Variants in STAG1 observed in about 807,000 individuals in gnomAD.
The protein encoded by STAG1 is cohesin subunit SA-1.
STAG1 carries 26 observed loss-of-function variants against 170.9 expected under a neutral mutation model. That is an observed-to-expected ratio of 0.15 (90% CI 0.11 to 0.21). The LOEUF (loss-of-function observed/expected upper bound fraction) is 0.21, where lower values mean the gene tolerates loss of function less well. Among genes scored for constraint, STAG1 ranks in the 10% least tolerant of loss-of-function variants. The probability of loss-of-function intolerance (pLI) is 1.00; values close to 1 mark genes in which losing one functional copy is unlikely to be tolerated. For synonymous variants in STAG1, 514 were observed against 497.7 expected, an observed-to-expected ratio of 1.03 and a Z score of -0.44; for missense variants, 964 against 1,509.5, an observed-to-expected ratio of 0.64 and a Z score of 5.99.
Position 136,369,127 on chromosome 3 carries a change from G to T in STAG1, c.2526C>A (p.Asp842Glu). 6.4e-7 allele frequency: 1 copy of T among 1,563,606 alleles called. No homozygotes were observed. Among genetic ancestry groups the T allele is most frequent in the Non-Finnish European group, 8.6e-7 (1 of 1,160,396 alleles). Residue 842 changes from aspartate (D) to glutamate (E), a missense_variant, in exon 24 of 34, where the codon GAC becomes GAA. Asp to Glu is a conservative substitution (Grantham distance 45). This residue lies in a region of STAG1 where 149 missense variants were observed against 301.3 expected (regional missense o/e 0.49). Transcript: ENST00000383202. ...FVMDHVFIDQ[D>E]EENQSMEGDE... ...AAGTACCCATGCTCTGGTTCTCCTC[G>T]TCTTGGTCAATAAAAACGTGATCCA...
intron 6 of STAG1, among the ~76,000 whole-genome samples, chr3:136,521,900 A>G (rs1934697291): frequency 6.6e-6 from 1 of 152,224 alleles, no homozygotes; most frequent in African/African-American, 2.4e-5. Context: ...ATAATCTTAC[A>G]CATCCTAAAT....
intron 1 of STAG1, among the ~76,000 whole-genome samples, chr3:136,689,021 T>G (rs1444343592): frequency 1.3e-5 from 2 of 152,234 alleles, no homozygotes; most frequent in Non-Finnish European, 2.9e-5. Context: ...CCAAATTAAA[T>G]GTACCTGTTT....
intron 10 of STAG1, among the ~76,000 whole-genome samples, chr3:136,474,360 A>C (rs1186703941): frequency 6.6e-6 from 1 of 152,208 alleles, no homozygotes; most frequent in East Asian, 1.9e-4. Context: ...TTTTAGTTCC[A>C]ATTCTATATA....
chr3:136,456,550 C>T (rs2089117516), intron 13 of STAG1, among the ~76,000 whole-genome samples: 1 of 152,068 alleles, frequency 6.6e-6, no homozygotes, highest in African/African-American at 2.4e-5. Context: ...AATTAGCATT[C>T]CCAAAGGAGA....
intron 13 of STAG1, among the ~76,000 whole-genome samples, chr3:136,462,236 T>G (rs1042099448): frequency 1.2e-4 from 19 of 152,180 alleles, no homozygotes; most frequent in African/African-American, 3.4e-4. Context: ...AAGAGATATC[T>G]GCACTGCCAT....
chr3:136,691,745 A>G (rs1389603419), intron 1 of STAG1, among the ~76,000 whole-genome samples: 3 of 152,186 alleles, frequency 2.0e-5, no homozygotes, highest in African/African-American at 7.2e-5. Flanking sequence ...AAATCTTATG[A>G]CATTTCGCAG....
chr3:136,682,279 G>A (rs1210246033), intron 1 of STAG1, among the ~76,000 whole-genome samples: 2 of 151,642 alleles, frequency 1.3e-5, no homozygotes, highest in African/African-American at 4.8e-5. Context: ...ACAAAAATTA[G>A]CCAGGCGTGG....
At position 136,580,929 on chromosome 3, in the gene STAG1, T is replaced by C. The variant is rs142858822; in HGVS notation, c.298-12068A>G. On this transcript the variant is annotated intron_variant, in intron 4 of 33. Transcript: ENST00000383202. ...TACATCTAGACTCTACTTTGGTATATGGTATGAGGTAAAAATCTTGTGCTT... is the reference window on the plus strand; with the variant it reads ...TACATCTAGACTCTACTTTGGTATACGGTATGAGGTAAAAATCTTGTGCTT... 4.2e-3 allele frequency among the ~76,000 whole-genome samples: 636 copies of C among 152,336 alleles called. 5 individuals are homozygous for C. Among genetic ancestry groups the C allele is most frequent in the African/African-American group, 0.015 (607 of 41,576 alleles).
At chr3:136,603,182 T>C (rs1423388177) in intron 4 of STAG1, among the ~76,000 whole-genome samples, 3 of 152,090 alleles carry the variant, frequency 2.0e-5, no homozygotes, top group Non-Finnish European at 2.9e-5. Context: ...GTAATTCCGT[T>C]TCACAATTAC....
intron 29 of STAG1, among the ~76,000 whole-genome samples, chr3:136,344,407 G>C (rs531274788): frequency 6.6e-6 from 1 of 152,036 alleles, no homozygotes; most frequent in Non-Finnish European, 1.5e-5. Flanking sequence ...CCTGGGCCTC[G>C]TAGGGGTCCC....
In STAG1 at chr3:136,521,286, G is replaced by A. The variant is rs566591168; in HGVS notation, c.603C>T (p.Asp201=). 2.8e-5 allele frequency: 45 copies of A among 1,613,754 alleles called. No individual in the cohort carries two copies. Among genetic ancestry groups the A allele is most frequent in the Non-Finnish European group, 3.6e-5 (42 of 1,179,788 alleles). Residue 201 remains aspartate (D), a synonymous_variant, in exon 7 of 34, where the codon GAC becomes GAT. Transcript: ENST00000383202. ...YSIIYDEYMM[D]TVISLLTGLS... Reference sequence around the variant, plus strand: ...AACCCGTCAAAAGGGAGATTACTGTGTCCATCATATACTCATCATAAATTA... The same window carrying A: ...AACCCGTCAAAAGGGAGATTACTGTATCCATCATATACTCATCATAAATTA...
chr3:136,392,869 G>T (rs1296197442), intron 22 of STAG1, among the ~76,000 whole-genome samples: 1 of 150,310 alleles, frequency 6.7e-6, no homozygotes, highest in Non-Finnish European at 1.5e-5. Flanking sequence ...TACTATTTTT[G>T]TATTTCTTCT....
intron 1 of STAG1, among the ~76,000 whole-genome samples, chr3:136,635,006 C>G (rs150480048): frequency 6.6e-6 from 1 of 152,212 alleles, no homozygotes; most frequent in East Asian, 1.9e-4. Flanking sequence ...AAAATCTCCC[C>G]AGGAAGAAAA....
intron 26 of STAG1, 67 bp from the exon 27 acceptor site, chr3:136,359,363 G>A: frequency 8.4e-7 from 1 of 1,194,938 alleles, no homozygotes; most frequent in Non-Finnish European, 1.1e-6. Flanking sequence ...TTTCAGAATA[G>A]GTAATTAAAA....
intron 22 of STAG1, among the ~76,000 whole-genome samples, chr3:136,378,863 T>C (rs1937764833): frequency 6.6e-6 from 1 of 152,090 alleles, no homozygotes; most frequent in Non-Finnish European, 1.5e-5. Flanking sequence ...ATACCAACAT[T>C]TAAAACAGTA....
At position 136,417,937 on chromosome 3, in the gene STAG1, T is replaced by A; in HGVS notation, c.2144A>T (p.Asn715Ile). 1 of 1,614,020 alleles carries A rather than the reference T, an allele frequency of 6.2e-7. No homozygotes were observed. Residue 715 changes from asparagine (N) to isoleucine (I), a missense_variant, in exon 21 of 34, where the codon AAT becomes ATT. Physicochemically the swap from Asn to Ile is moderately radical, Grantham distance 149. Transcript: ENST00000383202. ...HDLTKWDLFG[N>I]CYRLLKTGIE... is the part of the protein sequence containing the mutation. Reference sequence around the variant, plus strand: ...TCCAGTCTTCAATAATCTGTAGCAATTACCAAAGAGATCCCATTTTGTGAG... The same window carrying A: ...TCCAGTCTTCAATAATCTGTAGCAAATACCAAAGAGATCCCATTTTGTGAG...
intron 23 of STAG1, among the ~76,000 whole-genome samples, chr3:136,373,714 C>T (rs901830433): frequency 2.6e-5 from 4 of 152,054 alleles, no homozygotes; most frequent in South Asian, 2.1e-4. Context: ...GTCTGAGAGA[C>T]AGTTTGTTAT....
chr3:136,648,855 C>A (rs113927773), intron 1 of STAG1, among the ~76,000 whole-genome samples: 7 of 152,250 alleles, frequency 4.6e-5, no homozygotes, highest in African/African-American at 1.4e-4. Flanking sequence ...TCTTGCTTGC[C>A]GCAATTCAAT....
intron 8 of STAG1, among the ~76,000 whole-genome samples, chr3:136,501,807 T>G (rs1447816636): frequency 1.3e-5 from 2 of 152,230 alleles, no homozygotes; most frequent in African/African-American, 4.8e-5. Flanking sequence ...GTGATATTCT[T>G]TTTTCAAGTT....
Sources: gnomAD v4.1 joint callset for allele counts (sites outside exome capture counted in the v4.1 genomes callset) on GRCh38, gnomAD v4.1.1 for gene constraint, gnomAD v4.1.1 regional missense constraint, MANE v1.5 for transcripts, NCBI Gene and HGNC (gene_info 2026-07-23, HGNC 2026-07-21) for gene names.